The following DACH1 variants were observed in gnomAD, a reference collection of about 807,000 sequenced individuals.
DACH1 encodes the protein dachshund family transcription factor 1, also known as dachshund homolog 1.
In DACH1, 12 loss-of-function variants were observed where a neutral mutation model predicts 54.2. The ratio of observed to expected loss-of-function variants is 0.22; its 90% CI spans 0.14 to 0.36. DACH1 has a LOEUF of 0.36. Ranked by LOEUF, DACH1 falls within the 10% of genes least tolerant of loss-of-function variation. The probability of loss-of-function intolerance (pLI) is 1.00; values close to 1 mark genes in which losing one functional copy is unlikely to be tolerated. For missense variants in DACH1, 805 were observed against 929.8 expected (o/e 0.87, Z 1.75); for synonymous variants, 386 against 366.2 (o/e 1.05, Z -0.62).
intron 2 of DACH1, among the ~76,000 whole-genome samples, chr13:71,638,836 C>T (rs750418461): frequency 2.6e-5 from 4 of 152,154 alleles, no homozygotes; most frequent in Non-Finnish European, 5.9e-5. Flanking sequence ...TACAGAGAAA[C>T]TTAATGCCTT....
chr13:71,780,178 C>T (rs556535386), intron 1 of DACH1, among the ~76,000 whole-genome samples: 1 of 151,902 alleles, frequency 6.6e-6, no homozygotes, highest in Non-Finnish European at 1.5e-5. Flanking sequence ...AGGGAAAGAA[C>T]GGGAGAGGCT....
chr13:71,562,850 C>T lies in DACH1; in HGVS notation c.1300-2895G>A, dbSNP rs559867804. On this transcript the variant is annotated intron_variant, in intron 4 of 10. Transcript: ENST00000613252. Reference sequence around the variant, plus strand: ...TTGTAATCACAAATCAAAAGACAATCTTGGCTTGTGTTAGCCACACCATAA... The same window carrying T: ...TTGTAATCACAAATCAAAAGACAATTTTGGCTTGTGTTAGCCACACCATAA... Among the ~76,000 whole-genome samples, 332 of 152,196 alleles carry T rather than the reference C, an allele frequency of 2.2e-3. 2 individuals carry two copies. Among genetic ancestry groups the T allele is most frequent in the African/African-American group, 7.7e-3 (320 of 41,558 alleles).
chr13:71,536,110 A>G (rs1042891821), intron 6 of DACH1, among the ~76,000 whole-genome samples: 23 of 152,238 alleles, frequency 1.5e-4, no homozygotes, highest in African/African-American at 5.5e-4. Flanking sequence ...TATTCTAGTC[A>G]AAAATTTAAC....
Position 71,440,596 on chromosome 13 carries a change from G to T in DACH1, c.*59C>A. ...TTTATTTTTTTCTGAACTTTCCCAT[G>T]ACGAATGTCTGACTGCAAAGTTCTT... On this transcript the variant is annotated 3_prime_UTR_variant, in exon 11 of 11. Coordinates refer to ENST00000613252, the MANE Select transcript of DACH1 (RefSeq NM_080759.6). The T allele has an allele frequency of 7.3e-7, 1 of 1,378,094 alleles. No individual in the cohort carries two copies. Among genetic ancestry groups the T allele is most frequent in the South Asian group, 1.3e-5 (1 of 77,776 alleles). The allele number at this position is 1,378,094 out of a possible 1,614,324, so 85.4% of individuals were successfully genotyped here.
At chr13:71,641,968 T>G (rs1482859185) in intron 2 of DACH1, among the ~76,000 whole-genome samples, 2 of 152,204 alleles carry the variant, frequency 1.3e-5, no homozygotes, top group African/African-American at 4.8e-5. Context: ...ATTATTCACT[T>G]CTCTTTTTGC....
In DACH1 at chr13:71,572,809, T is replaced by C. The variant is rs143827794; in HGVS notation, c.1299+31A>G. ...AAGGGATGGTGGCTTAAGATGAACA[T>C]GCCAAAATAATTGTATAAAAAAAGA... On this transcript the variant is annotated intron_variant, in intron 4 of 10. Coordinates refer to ENST00000613252, the MANE Select transcript of DACH1 (RefSeq NM_080759.6). 1.6e-5 allele frequency: 25 copies of C among 1,594,886 alleles called. No individual in the cohort carries two copies. The Admixed American group carries it at 2.2e-4, about 14-fold the overall frequency.
chr13:71,716,369 T>C (rs988569779), intron 1 of DACH1, among the ~76,000 whole-genome samples: 1 of 152,132 alleles, frequency 6.6e-6, no homozygotes, highest in Admixed American at 6.6e-5. Flanking sequence ...TTTCTTATCA[T>C]AGCATACAAG....
intron 1 of DACH1, among the ~76,000 whole-genome samples, chr13:71,693,328 A>C (rs1881626777): frequency 8.7e-6 from 1 of 114,918 alleles, no homozygotes; most frequent in Non-Finnish European, 1.6e-5. Context: ...TTGAGACAAG[A>C]GTCTCGCTCT....
At chr13:71,516,720 GCA>G (rs1304748694) in intron 6 of DACH1, among the ~76,000 whole-genome samples, 1 of 151,702 alleles carries the variant, frequency 6.6e-6, no homozygotes, top group Admixed American at 6.6e-5. Flanking sequence ...CCATCAAAAC[GCA>G]CAGACGTCTG....
At chr13:71,459,229 T>C (rs1875857142) in intron 10 of DACH1, among the ~76,000 whole-genome samples, 2 of 151,926 alleles carry the variant, frequency 1.3e-5, no homozygotes, top group African/African-American at 4.8e-5. Flanking sequence ...TTCAAGAGGA[T>C]ATGTATTAAA....
intron 3 of DACH1, among the ~76,000 whole-genome samples, chr13:71,581,600 T>G (rs1262867384): frequency 6.6e-6 from 1 of 152,148 alleles, no homozygotes; most frequent in Non-Finnish European, 1.5e-5. Flanking sequence ...AGATAAAGAA[T>G]GGTAATATGT....
At chr13:71,798,164 G>A (rs1280391632) in intron 1 of DACH1, among the ~76,000 whole-genome samples, 2 of 151,616 alleles carry the variant, frequency 1.3e-5, no homozygotes, top group East Asian at 3.9e-4. Flanking sequence ...CAAATCCAGG[G>A]TTTCAAAAAT....
chr13:71,690,901 G>A (rs563452515), intron 1 of DACH1, among the ~76,000 whole-genome samples: 5 of 152,242 alleles, frequency 3.3e-5, no homozygotes, highest in Admixed American at 6.5e-5. Flanking sequence ...CACTGCACTC[G>A]AGCCTGGATG....
At chr13:71,694,213 C>G (rs561441526) in intron 1 of DACH1, among the ~76,000 whole-genome samples, 1 of 151,598 alleles carries the variant, frequency 6.6e-6, no homozygotes, top group Non-Finnish European at 1.5e-5. Context: ...CACACACACA[C>G]AAGCACACAC....
chr13:71,513,638 G>T (rs755143319), intron 6 of DACH1, among the ~76,000 whole-genome samples: 7 of 152,014 alleles, frequency 4.6e-5, no homozygotes, highest in Non-Finnish European at 7.4e-5. Flanking sequence ...CCATTTCAAA[G>T]TAAACCATGA....
At chr13:71,446,153 G>C (rs1329919036) in intron 10 of DACH1, among the ~76,000 whole-genome samples, 1 of 152,132 alleles carries the variant, frequency 6.6e-6, no homozygotes, top group East Asian at 1.9e-4. Flanking sequence ...ACAACTCAGA[G>C]GGTTGATTCA....
intron 6 of DACH1, among the ~76,000 whole-genome samples, chr13:71,533,195 G>A (rs1419066781): frequency 6.6e-6 from 1 of 151,760 alleles, no homozygotes; most frequent in Admixed American, 6.6e-5. Flanking sequence ...GCTCTTCAAA[G>A]CGTATAAGAT....
intron 1 of DACH1, among the ~76,000 whole-genome samples, chr13:71,756,790 A>T (rs74099126): frequency 1.2e-3 from 182 of 152,300 alleles, no homozygotes; most frequent in African/African-American, 4.4e-3. Context: ...TCAATTTTCT[A>T]AAGGAAAAAT....
intron 2 of DACH1, among the ~76,000 whole-genome samples, chr13:71,639,534 T>C (rs1293756126): frequency 1.3e-5 from 2 of 152,088 alleles, no homozygotes; most frequent in Non-Finnish European, 2.9e-5. Flanking sequence ...CCCCACTAAT[T>C]TGGAGATATA....
Sources: allele counts gnomAD v4.1 joint callset (sites outside exome capture counted in the v4.1 genomes callset), GRCh38; gene constraint gnomAD v4.1.1; transcripts MANE v1.5; gene names NCBI Gene and HGNC (gene_info 2026-07-23, HGNC 2026-07-21).